TBC1D22A: variants seen among roughly 807,000 people sequenced by gnomAD.
TBC1D22A encodes putative GTPase activator.
A neutral mutation model predicts 60.2 loss-of-function variants in TBC1D22A; 38 were observed. The ratio of observed to expected loss-of-function variants is 0.63; its 90% CI spans 0.49 to 0.83. TBC1D22A has a LOEUF of 0.83. TBC1D22A is among the 40% of genes least tolerant of loss of function. The pLI, the probability that TBC1D22A is intolerant of heterozygous loss-of-function variation, is 0.00. For synonymous variants in TBC1D22A, 302 were observed against 281.7 expected (o/e 1.07, Z -0.72); for missense variants, 628 against 701.0 (o/e 0.90, Z 1.18).
intron 4 of TBC1D22A, among the ~76,000 whole-genome samples, chr22:46,847,082 C>T (rs1439431922): frequency 6.6e-6 from 1 of 152,184 alleles, no homozygotes; most frequent in Non-Finnish European, 1.5e-5. Flanking sequence ...GATCTTTGGT[C>T]AATTGGGACT....
chr22:46,941,789 A>ATGCG (rs1569249588), intron 8 of TBC1D22A, among the ~76,000 whole-genome samples: 5 of 139,036 alleles, frequency 3.6e-5, no homozygotes, highest in African/African-American at 8.0e-5. Context: ...GAATATATAT[A>ATGCG]GAATATATAG....
At chr22:46,791,021 C>T (rs1434295686) in intron 1 of TBC1D22A, among the ~76,000 whole-genome samples, 1 of 152,026 alleles carries the variant, frequency 6.6e-6, no homozygotes, top group Non-Finnish European at 1.5e-5. Context: ...CTCCCAGGCT[C>T]AAGCGATCAT....
chr22:46,813,853 G>A (rs2085482648), intron 4 of TBC1D22A, among the ~76,000 whole-genome samples: 1 of 152,246 alleles, frequency 6.6e-6, no homozygotes, highest in Non-Finnish European at 1.5e-5. Flanking sequence ...TTCCATGAAG[G>A]CAGGGGCACC....
At chr22:46,933,058 G>T (rs909925428) in intron 8 of TBC1D22A, among the ~76,000 whole-genome samples, 1 of 152,086 alleles carries the variant, frequency 6.6e-6, no homozygotes, top group Non-Finnish European at 1.5e-5. Context: ...GGGAGGAAGT[G>T]CTGGGAGCAG....
intron 8 of TBC1D22A, among the ~76,000 whole-genome samples, chr22:46,968,435 A>C (rs1461811188): frequency 4.6e-5 from 7 of 152,244 alleles, no homozygotes; most frequent in Non-Finnish European, 1.5e-5. Context: ...GCCCCCACGC[A>C]GAAAGTCCTG....
chr22:47,058,262 C>T (rs1293055492), intron 11 of TBC1D22A, among the ~76,000 whole-genome samples: 5 of 152,144 alleles, frequency 3.3e-5, no homozygotes, highest in Middle Eastern at 3.2e-3. Flanking sequence ...CTCCCCATGC[C>T]GTGCAGGCCT....
At chr22:46,808,804 C>T (rs1031140976) in intron 4 of TBC1D22A, among the ~76,000 whole-genome samples, 1 of 152,166 alleles carries the variant, frequency 6.6e-6, no homozygotes, top group Admixed American at 6.5e-5. Context: ...CCGTGTTAGC[C>T]AGGATGGTCT....
At chr22:46,938,350 C>T (rs2071781338) in intron 8 of TBC1D22A, among the ~76,000 whole-genome samples, 1 of 152,196 alleles carries the variant, frequency 6.6e-6, no homozygotes, top group South Asian at 2.1e-4. Context: ...CCAGGAGCAA[C>T]AGGCTATACC....
chr22:46,960,482 G>C (rs569303829), intron 8 of TBC1D22A, among the ~76,000 whole-genome samples: 1 of 152,222 alleles, frequency 6.6e-6, no homozygotes, highest in Admixed American at 6.5e-5. Flanking sequence ...GGCTGGTCTT[G>C]AACTCCTGAC....
At chr22:46,995,929 G>T (rs1461560120) in intron 9 of TBC1D22A, among the ~76,000 whole-genome samples, 3 of 152,192 alleles carry the variant, frequency 2.0e-5, no homozygotes, top group Non-Finnish European at 4.4e-5. Flanking sequence ...TGGAAAAGGA[G>T]TATCAGTATC....
intron 4 of TBC1D22A, among the ~76,000 whole-genome samples, chr22:46,807,275 A>G (rs62233788): frequency 7.1e-4 from 3 of 4,218 alleles, no homozygotes; most frequent in African/African-American, 2.1e-3. Flanking sequence ...GATGGTGATG[A>G]TGGTGGTGAT....
intron 8 of TBC1D22A, among the ~76,000 whole-genome samples, chr22:46,925,388 G>A (rs1391002151): frequency 6.6e-6 from 1 of 152,254 alleles, no homozygotes; most frequent in Non-Finnish European, 1.5e-5. Context: ...AGTGGAGGTG[G>A]CTGGCTTTGC....
intron 11 of TBC1D22A, among the ~76,000 whole-genome samples, chr22:47,043,012 G>A (rs981068195): frequency 4.6e-5 from 7 of 152,316 alleles, no homozygotes; most frequent in South Asian, 2.1e-4. Flanking sequence ...CTCAGCCCAC[G>A]TGCAGTTATC....
intron 4 of TBC1D22A, among the ~76,000 whole-genome samples, chr22:46,854,112 C>T (rs1297676196): frequency 3.3e-5 from 5 of 152,212 alleles, no homozygotes; most frequent in Non-Finnish European, 7.3e-5. Context: ...GGGACTCTGC[C>T]TGTCTTTCCG....
intron 4 of TBC1D22A, among the ~76,000 whole-genome samples, chr22:46,863,981 C>T (rs2066932814): frequency 6.6e-6 from 1 of 152,194 alleles, no homozygotes; most frequent in Non-Finnish European, 1.5e-5. Flanking sequence ...CCTGGGCCCA[C>T]TCCTTGTGTT....
chr22:46,985,528 A>T (rs561857309), intron 9 of TBC1D22A, among the ~76,000 whole-genome samples: 1 of 152,370 alleles, frequency 6.6e-6, no homozygotes, highest in East Asian at 1.9e-4. Flanking sequence ...AATGAAAATT[A>T]AAAAATTCAA....
intron 8 of TBC1D22A, 33 bp from the exon 9 acceptor site, chr22:46,974,257 C>T (rs1278057213): frequency 1.3e-6 from 2 of 1,552,858 alleles, no homozygotes; most frequent in South Asian, 1.2e-5. Context: ...GTGGCTAAGT[C>T]TCCTTGTCTT....
At chr22:47,111,900 G>A (rs2065863271) in intron 12 of TBC1D22A, among the ~76,000 whole-genome samples, 1 of 152,234 alleles carries the variant, frequency 6.6e-6, no homozygotes, top group South Asian at 2.1e-4. Context: ...CACGACCCCT[G>A]CAGTGTGCGG....
chr22:46,837,225 A>G (rs991690070), intron 4 of TBC1D22A, among the ~76,000 whole-genome samples: 7 of 152,228 alleles, frequency 4.6e-5, no homozygotes, highest in African/African-American at 1.4e-4. Context: ...TGTGTATCCA[A>G]CATTGGAGAA....
Sources: allele counts gnomAD v4.1 joint callset (sites outside exome capture counted in the v4.1 genomes callset), GRCh38; gene constraint gnomAD v4.1.1; transcripts MANE v1.5; gene names NCBI Gene and HGNC (gene_info 2026-07-23, HGNC 2026-07-21).